The following MAF variants were observed in gnomAD, a reference collection of about 807,000 sequenced individuals.
MAF encodes the protein MAF bZIP transcription factor.
Under a neutral mutation model 22.0 loss-of-function variants are expected in MAF, and 10 were observed. The ratio of observed to expected loss-of-function variants is 0.45; its 90% CI spans 0.28 to 0.77. MAF has a LOEUF of 0.77. Among genes scored for constraint, MAF ranks in the 30% least tolerant of loss-of-function variants. The probability of loss-of-function intolerance (pLI) is 0.12; values close to 1 mark genes in which losing one functional copy is unlikely to be tolerated. For missense variants in MAF, 544 were observed against 548.4 expected, an observed-to-expected ratio of 0.99 and a Z score of 0.08; for synonymous variants, 337 against 255.8, an observed-to-expected ratio of 1.32 and a Z score of -3.03.
the MAF span, among the ~76,000 whole-genome samples, chr16:79,369,002 A>G: frequency 1.3e-5 from 2 of 152,214 alleles, no homozygotes; most frequent in African/African-American, 4.8e-5. Flanking sequence ...CGTGAGGGCA[A>G]GGATGTCTAT....
chr16:79,555,860 G>A, the MAF span, among the ~76,000 whole-genome samples: 1 of 152,186 alleles, frequency 6.6e-6, no homozygotes, highest in Non-Finnish European at 1.5e-5. Flanking sequence ...AGGGTCTCAA[G>A]AATTTGGGAT....
At chr16:79,420,563 A>T in the MAF span, among the ~76,000 whole-genome samples, 2 of 150,922 alleles carry the variant, frequency 1.3e-5, no homozygotes, top group Admixed American at 1.3e-4. Flanking sequence ...GGCCTCCCCC[A>T]CTAACAACCT....
At chr16:79,396,456 C>G in the MAF span, among the ~76,000 whole-genome samples, 1 of 152,160 alleles carries the variant, frequency 6.6e-6, no homozygotes, top group Non-Finnish European at 1.5e-5. Flanking sequence ...TTTTATACAT[C>G]CCCAAGATGC....
the MAF span, among the ~76,000 whole-genome samples, chr16:79,470,621 C>T: frequency 1.0e-3 from 152 of 152,286 alleles, 1 homozygote; most frequent in African/African-American, 3.5e-3. Flanking sequence ...CCCAGTGGAA[C>T]TTACTGGGTA....
downstream of MAF, among the ~76,000 whole-genome samples, chr16:79,592,513 T>C (rs1230599254): frequency 6.6e-6 from 1 of 152,244 alleles, no homozygotes; most frequent in East Asian, 1.9e-4. Flanking sequence ...TGCTCCGCTT[T>C]TAAGCAAATG....
chr16:79,445,490 G>C, the MAF span, among the ~76,000 whole-genome samples: 2 of 152,192 alleles, frequency 1.3e-5, no homozygotes, highest in Admixed American at 6.5e-5. Context: ...AGAGCAAATA[G>C]ATGGCTCAGC....
At chr16:79,467,361 C>T in the MAF span, among the ~76,000 whole-genome samples, 1 of 152,204 alleles carries the variant, frequency 6.6e-6, no homozygotes, top group African/African-American at 2.4e-5. Flanking sequence ...GGCAGGCACG[C>T]AGCTGCTTTG....
At chr16:79,460,389 T>C in the MAF span, among the ~76,000 whole-genome samples, 1 of 152,218 alleles carries the variant, frequency 6.6e-6, no homozygotes, top group African/African-American at 2.4e-5. Context: ...AAATAAGCTC[T>C]CTTTTCCAAC....
chr16:79,226,144 G>A, the MAF span, among the ~76,000 whole-genome samples: 2 of 152,300 alleles, frequency 1.3e-5, no homozygotes, highest in East Asian at 3.9e-4. Context: ...GCCCATCAAT[G>A]ATAGACTGGA....
the MAF span, among the ~76,000 whole-genome samples, chr16:79,217,029 C>G: frequency 6.6e-6 from 1 of 152,144 alleles, no homozygotes; most frequent in Non-Finnish European, 1.5e-5. Flanking sequence ...AGGCTGGTCT[C>G]GAACTCCTGC....
At chr16:79,393,253 C>T in the MAF span, among the ~76,000 whole-genome samples, 5 of 151,652 alleles carry the variant, frequency 3.3e-5, no homozygotes, top group Non-Finnish European at 7.3e-5. Flanking sequence ...CTGGGCTGTA[C>T]CTACAGACTG....
At chr16:79,287,113 C>T in the MAF span, among the ~76,000 whole-genome samples, 3 of 128,882 alleles carry the variant, frequency 2.3e-5, no homozygotes, top group Non-Finnish European at 4.8e-5. Context: ...ACGTACTCTG[C>T]CTTCCTTTTT....
the MAF span, among the ~76,000 whole-genome samples, chr16:79,507,667 C>T: frequency 3.3e-5 from 5 of 152,108 alleles, no homozygotes; most frequent in Admixed American, 1.3e-4. Flanking sequence ...CCTCGTGATC[C>T]ATCCGCCTCG....
the MAF span, among the ~76,000 whole-genome samples, chr16:79,254,015 C>G: frequency 6.6e-6 from 1 of 151,370 alleles, no homozygotes; most frequent in Admixed American, 6.6e-5. Flanking sequence ...AATGCCTCAG[C>G]AAATCTTTTT....
chr16:79,595,510 G>A, intron 1 of MAF: 3 of 1,059,872 alleles, frequency 2.8e-6, no homozygotes, highest in Non-Finnish European at 3.4e-6. Flanking sequence ...TTCTATTGGT[G>A]TGCTAGGGGA....
chr16:79,260,218 G>A, the MAF span, among the ~76,000 whole-genome samples: 109,884 of 152,082 alleles, frequency 0.72, 40,432 homozygotes, highest in Non-Finnish European at 0.79. Context: ...TGGTGCAGTC[G>A]TGGCTTACTG....
At chr16:79,281,732 A>T in the MAF span, among the ~76,000 whole-genome samples, 1 of 151,950 alleles carries the variant, frequency 6.6e-6, no homozygotes, top group African/African-American at 2.4e-5. Flanking sequence ...TTTTTAGTAG[A>T]GACGGGGTTT....
chr16:79,463,797 T>A, the MAF span, among the ~76,000 whole-genome samples: 1 of 152,136 alleles, frequency 6.6e-6, no homozygotes. Flanking sequence ...TTTTTTTTTC[T>A]TGAGGTAGTA....
chr16:79,220,431 A>C, the MAF span, among the ~76,000 whole-genome samples: 5 of 152,074 alleles, frequency 3.3e-5, no homozygotes, highest in Admixed American at 1.3e-4. Flanking sequence ...TGTAGTTTTC[A>C]TTTTATATAG....
Sources: allele counts gnomAD v4.1 joint callset (sites outside exome capture counted in the v4.1 genomes callset), GRCh38; gene constraint gnomAD v4.1.1; transcripts MANE v1.5; gene names NCBI Gene and HGNC (gene_info 2026-07-23, HGNC 2026-07-21).